PSD3: variants seen among roughly 807,000 people sequenced by gnomAD.
PSD3 encodes the protein pleckstrin and Sec7 domain containing 3.
PSD3 carries 49 observed loss-of-function variants against 105.5 expected under a neutral mutation model. That is an observed-to-expected ratio of 0.46 (90% CI 0.37 to 0.59). PSD3 has a LOEUF of 0.59. Ranked by LOEUF, PSD3 falls within the 20% of genes least tolerant of loss-of-function variation. PSD3 has a pLI of 0.00. For missense variants in PSD3, 1,561 were observed against 1,263.8 expected (o/e 1.24, Z -3.57); for synonymous variants, 557 against 457.8 (o/e 1.22, Z -2.77).
intron 11 of PSD3, among the ~76,000 whole-genome samples, chr8:18,626,461 T>C (rs1747886120): frequency 6.6e-6 from 1 of 152,132 alleles, no homozygotes; most frequent in Non-Finnish European, 1.5e-5. Flanking sequence ...CCATGCTTAA[T>C]CAAAGTAAGT....
At chr8:18,986,855 G>T (rs943622164) in intron 1 of PSD3, among the ~76,000 whole-genome samples, 41 of 152,076 alleles carry the variant, frequency 2.7e-4, no homozygotes, top group Admixed American at 2.6e-3. Flanking sequence ...AATCCATGAG[G>T]ACTTGAGGAA....
At chr8:18,610,161 A>T (rs987105217) in intron 11 of PSD3, among the ~76,000 whole-genome samples, 2 of 152,200 alleles carry the variant, frequency 1.3e-5, no homozygotes, top group African/African-American at 4.8e-5. Context: ...ATAAAGGAAA[A>T]AAGTAGGGCA....
At chr8:19,065,240 A>G (rs182389893) in intron 1 of PSD3, among the ~76,000 whole-genome samples, 1 of 152,272 alleles carries the variant, frequency 6.6e-6, no homozygotes, top group African/African-American at 2.4e-5. Flanking sequence ...TGCTCTTACC[A>G]TAACAATAAT....
chr8:19,014,343 C>G (rs1395916332), upstream of PSD3: 1 of 152,174 alleles, frequency 6.6e-6, no homozygotes, highest in Non-Finnish European at 1.5e-5. This position sits in a 1 kb window ranked among gnomAD's most constrained non-coding sequence, Gnocchi z 4.9. Flanking sequence ...TGAGGCGAGT[C>G]CCCCCAGGCG....
At chr8:18,569,144 G>C (rs1436552054) in intron 14 of PSD3, among the ~76,000 whole-genome samples, 2 of 130,428 alleles carry the variant, frequency 1.5e-5, no homozygotes, top group Non-Finnish European at 3.3e-5. Context: ...CTTTGCTATT[G>C]TGAATAATGC....
At chr8:18,923,187 G>A (rs1008613792) in intron 2 of PSD3, among the ~76,000 whole-genome samples, 1 of 149,112 alleles carries the variant, frequency 6.7e-6, no homozygotes, top group Non-Finnish European at 1.5e-5. Flanking sequence ...AACAGCTGAT[G>A]AGCTTTGAAA....
intron 4 of PSD3, among the ~76,000 whole-genome samples, chr8:18,829,693 C>T (rs1220046886): frequency 6.6e-6 from 1 of 152,088 alleles, no homozygotes; most frequent in Non-Finnish European, 1.5e-5. Flanking sequence ...CGGAAACCCT[C>T]GACTGACATG....
At chr8:18,823,374 T>C (rs2129449615) in intron 4 of PSD3, among the ~76,000 whole-genome samples, 1 of 152,280 alleles carries the variant, frequency 6.6e-6, no homozygotes, top group East Asian at 1.9e-4. Context: ...TTTAAATCAG[T>C]TAAAAGATCT....
chr8:19,068,635 A>G (rs1456522873), intron 1 of PSD3, among the ~76,000 whole-genome samples: 2 of 152,094 alleles, frequency 1.3e-5, no homozygotes, highest in Admixed American at 6.5e-5. Context: ...CAAAGAACTG[A>G]CACGTCCTTG....
At chr8:18,570,899 G>A (rs959900703) in intron 14 of PSD3, among the ~76,000 whole-genome samples, 12 of 148,188 alleles carry the variant, frequency 8.1e-5, no homozygotes, top group African/African-American at 2.0e-4. Flanking sequence ...TTGCTCTGTC[G>A]CCCAGGCTGG....
intron 11 of PSD3, among the ~76,000 whole-genome samples, chr8:18,614,646 A>T: frequency 6.6e-6 from 1 of 152,104 alleles, no homozygotes; most frequent in East Asian, 1.9e-4. Context: ...ACTTCTATCA[A>T]ACAAATGACA....
At chr8:18,960,904 G>A (rs1286912396) in intron 1 of PSD3, among the ~76,000 whole-genome samples, 3 of 151,968 alleles carry the variant, frequency 2.0e-5, no homozygotes, top group African/African-American at 7.3e-5. Flanking sequence ...GGGCAACGTG[G>A]TAAAACTCCA....
intron 2 of PSD3, among the ~76,000 whole-genome samples, chr8:18,924,231 T>C (rs550507787): frequency 1.4e-4 from 22 of 152,254 alleles, no homozygotes; most frequent in South Asian, 1.0e-3. Flanking sequence ...AAACAGACCA[T>C]TGGAAACTAC....
intron 9 of PSD3, among the ~76,000 whole-genome samples, chr8:18,666,410 C>T (rs964987231): frequency 6.6e-6 from 1 of 152,168 alleles, no homozygotes; most frequent in East Asian, 1.9e-4. Context: ...CTTGCTTTAT[C>T]GCGGTATTTG....
At chr8:19,079,488 T>C (rs903357233) in intron 1 of PSD3, among the ~76,000 whole-genome samples, 2 of 152,198 alleles carry the variant, frequency 1.3e-5, no homozygotes, top group Non-Finnish European at 2.9e-5. Flanking sequence ...GACAGAATTA[T>C]CTAGAATACT....
At chr8:18,833,250 G>C (rs1050183475) in intron 4 of PSD3, among the ~76,000 whole-genome samples, 14 of 152,286 alleles carry the variant, frequency 9.2e-5, no homozygotes, top group African/African-American at 3.4e-4. Flanking sequence ...ATTCACTCAG[G>C]TTGAAGCTTG....
At chr8:18,872,762 C>G in intron 2 of PSD3, 29 bp from the exon 3 acceptor site, 1 of 1,514,182 alleles carries the variant, frequency 6.6e-7, no homozygotes, top group Non-Finnish European at 8.9e-7. Context: ...GGACATATGA[C>G]TTGTTGTAGA....
intron 1 of PSD3, among the ~76,000 whole-genome samples, chr8:19,021,821 G>C (rs995973932): frequency 6.6e-6 from 1 of 152,174 alleles, no homozygotes; most frequent in Non-Finnish European, 1.5e-5. Flanking sequence ...GTCTAAACTT[G>C]ACTTAGCATT....
intron 10 of PSD3, among the ~76,000 whole-genome samples, chr8:18,650,723 T>A (rs1430465123): frequency 6.6e-6 from 1 of 152,202 alleles, no homozygotes; most frequent in Non-Finnish European, 1.5e-5. Context: ...AAATAAATGA[T>A]CCTTGCTACT....
Sources: gnomAD v4.1 joint callset for allele counts (sites outside exome capture counted in the v4.1 genomes callset) on GRCh38, gnomAD v4.1.1 for gene constraint, Gnocchi (gnomAD v3.1) non-coding constraint, MANE v1.5 for transcripts, NCBI Gene and HGNC (gene_info 2026-07-23, HGNC 2026-07-21) for gene names.